The following PIGT variants were observed in gnomAD, a reference collection of about 807,000 sequenced individuals.
PIGT encodes the protein GPI-anchor transamidase component PIGT.
PIGT carries 57 observed loss-of-function variants against 66.7 expected under a neutral mutation model. The observed-to-expected ratio is 0.86, with a 90% confidence interval of 0.69 to 1.07. The LOEUF (loss-of-function observed/expected upper bound fraction) is 1.07. PIGT is among the 50% of genes least tolerant of loss of function. The pLI, the probability that PIGT is intolerant of heterozygous loss-of-function variation, is 0.00. For missense variants in PIGT, 725 were observed against 740.4 expected, an observed-to-expected ratio of 0.98 and a Z score of 0.24; for synonymous variants, 362 against 320.5, an observed-to-expected ratio of 1.13 and a Z score of -1.38.
intron 5 of PIGT, 194 bp from the exon 6 acceptor site, chr20:45,419,942 A>G: frequency 1.6e-6 from 1 of 607,070 alleles, no homozygotes; most frequent in South Asian, 2.0e-5. Context: ...TTGTTGTGAT[A>G]GTTTATCAAA....
In PIGT at chr20:45,419,375, C is replaced by T. The variant is rs1439660020; in HGVS notation, c.574C>T (p.Leu192Phe). The change falls in exon 4 of 12, where the codon CTC (leucine) becomes TTC (phenylalanine). Residue 192 changes from leucine (L) to phenylalanine (F), a missense_variant. By Grantham distance (22) the Leu-to-Phe change is conservative (BLOSUM62 0). This residue lies in a region of PIGT where 559 missense variants were observed against 552.7 expected (regional missense o/e 1.01). Transcript: ENST00000279036. ...CTENLTPWKK[L>F]LPCSSKAGLS... ...CGAAAACCTCACCCCCTGGAAGAAG[C>T]TCTTGCCCTGTAGTTCCAAGGTGAG... is the stretch of plus-strand genomic sequence containing the variant. 2 of 1,613,834 alleles carry T rather than the reference C, an allele frequency of 1.2e-6. No homozygotes were observed. The highest frequency in any genetic ancestry group is 1.7e-6 in the Non-Finnish European group (2 of 1,179,782).
chr20:45,422,277 A>G (rs1419869992), intron 9 of PIGT: 1 of 152,074 alleles, frequency 6.6e-6, no homozygotes, highest in Non-Finnish European at 1.5e-5. Flanking sequence ...AGTTTCACTT[A>G]TTTTCAGCAC....
intron 8 of PIGT, 26 bp from the exon 9 acceptor site, chr20:45,421,357 T>C (rs1177851591): frequency 1.2e-5 from 19 of 1,597,518 alleles, no homozygotes; most frequent in Non-Finnish European, 1.6e-5. Flanking sequence ...TTGGCAGCTG[T>C]TAACTGTTGA....
Position 45,425,829 on chromosome 20 carries a change from C to T in PIGT, c.*3C>T. 6.2e-7 allele frequency: 1 copy of T among 1,610,460 alleles called. No homozygotes were observed. Among genetic ancestry groups the T allele is most frequent in the Non-Finnish European group, 8.5e-7 (1 of 1,177,466 alleles). On this transcript the variant is annotated 3_prime_UTR_variant, in exon 12 of 12. Coordinates refer to ENST00000279036, the MANE Select transcript of PIGT (RefSeq NM_015937.6). Reference sequence around the variant, plus strand: ...CCCGAGGTGTCCCCCCACTCTGATTCTTGCCCTTTCCAGCAGCTGCAGCTG... The same window carrying T: ...CCCGAGGTGTCCCCCCACTCTGATTTTTGCCCTTTCCAGCAGCTGCAGCTG...
At chr20:45,421,082 C>T (rs776348915) in intron 8 of PIGT, 49 of 519,952 alleles carry the variant, frequency 9.4e-5, no homozygotes, top group Non-Finnish European at 1.5e-4. Context: ...TAATTAATTA[C>T]AGTTGTGTTC....
In PIGT at chr20:45,419,368, G is replaced by A. The variant is rs1487596978; in HGVS notation, c.567G>A (p.Trp189Ter). 2 of 1,614,016 alleles carry A rather than the reference G, an allele frequency of 1.2e-6. No homozygotes were observed. The highest frequency in any genetic ancestry group is 2.2e-5 in the South Asian group (2 of 91,070). The stretch of plus-strand genomic sequence containing the variant: ...TCTGCACCGAAAACCTCACCCCCTG[G>A]AAGAAGCTCTTGCCCTGTAGTTCCA... ...EVVCTENLTPWKKLLPCSSKA... is the reference protein window; with the variant it reads ...EVVCTENLTP Residue 189 changes from tryptophan (W) to a stop codon, truncating the protein, a stop_gained, in exon 4 of 12, where the codon TGG becomes TGA. Coordinates refer to ENST00000279036, the MANE Select transcript of PIGT (RefSeq NM_015937.6). LOFTEE classifies it high-confidence loss of function.
chr20:45,419,884 G>A, intron 5 of PIGT: 1 of 600,200 alleles, frequency 1.7e-6, no homozygotes, highest in Non-Finnish European at 3.0e-6. Flanking sequence ...CCTGAGCTTG[G>A]TTTCCCACCC....
chr20:45,417,349 G>A (rs1990048405), intron 2 of PIGT: 1 of 152,196 alleles, frequency 6.6e-6, no homozygotes. Context: ...GATATAACAA[G>A]TTTTAGGGCA....
chr20:45,418,500 G>A (rs1990130635), intron 2 of PIGT: 1 of 349,220 alleles, frequency 2.9e-6, no homozygotes. Flanking sequence ...AGGAGACTGT[G>A]CTTAAGGAGG....
Position 45,424,218 on chromosome 20 carries a change from T to G in PIGT, c.1237T>G (p.Tyr413Asp). Residue 413 changes from tyrosine (Y) to aspartate (D), a missense_variant and splice_region_variant, in exon 10 of 12, where the codon TAC becomes GAC. By Grantham distance (160) the Tyr-to-Asp change is radical. Coordinates refer to ENST00000279036, the MANE Select transcript of PIGT (RefSeq NM_015937.6). ...TGGGTGACCTTGCATGTCTCCAGGT[T>G]ACATCCACTACCAGCCTGCCCAGGA... is the stretch of plus-strand genomic sequence containing the variant. ...TSKGKENKPS[Y>D]IHYQPAQDRL... 6.2e-7 allele frequency: 1 copy of G among 1,614,022 alleles called. No homozygotes were observed. The highest frequency in any genetic ancestry group is 8.5e-7 in the Non-Finnish European group (1 of 1,179,928).
At chr20:45,425,141 CTCTTTCTTTCTTT>C (rs1990638302) in intron 11 of PIGT, 4 of 79,986 alleles carry the variant, frequency 5.0e-5, no homozygotes, top group Non-Finnish European at 1.2e-4. Context: ...TTCTTTCTTT[CTCTTTCTTTCTTT>C]CTTTCTTTCT....
intron 2 of PIGT, 45 bp downstream of exon 2, chr20:45,416,739 TG>T: frequency 6.5e-7 from 1 of 1,536,034 alleles, no homozygotes; most frequent in Non-Finnish European, 8.8e-7. Flanking sequence ...GGAGGGAATG[TG>T]GCTGGGAGAG....
rs761784805 is a variant in PIGT, at chr20:45,419,250, G to T, written c.494-45G>T. The stretch of plus-strand genomic sequence containing the variant: ...ATCTCTGGAATGTGGATCCCGAGGG[G>T]TCAGAGCCCAAGGCCCACCCCAGAC... On this transcript the variant is annotated intron_variant, in intron 3 of 11. Transcript: ENST00000279036. 5.9e-6 allele frequency: 9 copies of T among 1,514,536 alleles called. No homozygotes were observed. In the Admixed American group the frequency reaches 1.2e-4, roughly 20 times the overall value. The allele number at this position is 1,514,536 out of a possible 1,614,324, so 93.8% of individuals were successfully genotyped here. A position where few individuals can be genotyped will look rare whatever the true frequency, so the allele number is the denominator to read the frequency against.
chr20:45,419,380 G>T lies in PIGT; in HGVS notation c.579G>T (p.Leu193Phe), dbSNP rs1490847850. 1 of 1,613,682 alleles carries T rather than the reference G, an allele frequency of 6.2e-7. No individual in the cohort carries two copies. Among genetic ancestry groups the T allele is most frequent in the Non-Finnish European group, 8.5e-7 (1 of 1,179,820 alleles). ...ACCTCACCCCCTGGAAGAAGCTCTT[G>T]CCCTGTAGTTCCAAGGTGAGGCCGC... is the stretch of plus-strand genomic sequence containing the variant. Reference protein sequence around the residue: ...TENLTPWKKLLPCSSKAGLSV... With the variant: ...TENLTPWKKLFPCSSKAGLSV... The change falls in exon 4 of 12, where the codon TTG (leucine) becomes TTT (phenylalanine). Residue 193 changes from leucine to phenylalanine, a missense_variant. Leu to Phe is a conservative substitution (Grantham distance 22). Transcript: ENST00000279036.
At chr20:45,416,809 G>C in intron 2 of PIGT, 115 bp downstream of exon 2, 6 of 905,654 alleles carry the variant, frequency 6.6e-6, no homozygotes, top group Non-Finnish European at 9.6e-6. Flanking sequence ...CGATTCCATG[G>C]GGGTAGAGCT....
In PIGT at chr20:45,420,380, C is replaced by T. The variant is rs759782266; in HGVS notation, c.818C>T (p.Pro273Leu). 1.9e-6 allele frequency: 3 copies of T among 1,613,748 alleles called. No homozygotes were observed. The South Asian group carries it at 3.3e-5, about 18-fold the overall frequency. Residue 273 changes from proline (P) to leucine (L), a missense_variant, in exon 7 of 12, where the codon CCC becomes CTC. By Grantham distance (98) the Pro-to-Leu change is moderately conservative (BLOSUM62 -3). Around this residue, in one of 3 missense-constraint regions of PIGT, gnomAD observed 559 missense variants for 552.7 expected, o/e 1.01. Transcript: ENST00000279036. ...MFSRTLTEPC[P>L]LASESRVYVD... ...TCCCGAACCCTCACGGAGCCCTGCC[C>T]CCTGGCTTCAGAGAGCCGAGTCTAT...
At chr20:45,424,930 T>C (rs778051856) in intron 11 of PIGT, 4 of 306,182 alleles carry the variant, frequency 1.3e-5, no homozygotes, top group African/African-American at 6.4e-5. Flanking sequence ...TTGCTTACAG[T>C]CTAGAAGGAA....
chr20:45,416,900 T>A, intron 2 of PIGT: 1 of 485,334 alleles, frequency 2.1e-6, no homozygotes, highest in Middle Eastern at 5.3e-4. Flanking sequence ...AGCACATGCA[T>A]ATCCCTGGAG....
At chr20:45,425,181 T>G (rs952330507) in intron 11 of PIGT, 3 of 147,126 alleles carry the variant, frequency 2.0e-5, no homozygotes, top group African/African-American at 7.6e-5. Context: ...CTTTCTTTCT[T>G]TCTTTCTTTC....
Sources: gnomAD v4.1 joint callset for allele counts on GRCh38, gnomAD v4.1.1 for gene constraint, gnomAD v4.1.1 regional missense constraint, MANE v1.5 for transcripts, NCBI Gene and HGNC (gene_info 2026-07-23, HGNC 2026-07-21) for gene names.